The following ENTREP2 variants were observed in gnomAD, a reference collection of about 807,000 sequenced individuals.
The protein encoded by ENTREP2 is protein ENTREP2.
chr15:29,490,744 C>A, the ENTREP2 span, among the ~76,000 whole-genome samples: 5 of 152,208 alleles, frequency 3.3e-5, no homozygotes, highest in Non-Finnish European at 7.3e-5. Flanking sequence ...GGTGCATATA[C>A]AATCCTCCAG....
chr15:29,288,328 G>A, the ENTREP2 span, among the ~76,000 whole-genome samples: 7 of 152,154 alleles, frequency 4.6e-5, no homozygotes, highest in Non-Finnish European at 7.3e-5. Flanking sequence ...TCTGGGCCAC[G>A]TATGTCACAG....
chr15:29,370,545 A>G, the ENTREP2 span, among the ~76,000 whole-genome samples: 1 of 152,114 alleles, frequency 6.6e-6, no homozygotes, highest in East Asian at 1.9e-4. Context: ...TCATTTGCCT[A>G]AATTATTGAC....
chr15:29,391,910 C>T, the ENTREP2 span, among the ~76,000 whole-genome samples: 15 of 152,174 alleles, frequency 9.9e-5, no homozygotes, highest in African/African-American at 1.4e-4. Flanking sequence ...CCGCAAGCTC[C>T]GCCTCCCGGG....
the ENTREP2 span, among the ~76,000 whole-genome samples, chr15:29,595,861 A>T: frequency 6.6e-6 from 1 of 152,016 alleles, no homozygotes; most frequent in Admixed American, 6.6e-5. Flanking sequence ...GGGCTCTTTC[A>T]GTTGGCCTAT....
the ENTREP2 span, among the ~76,000 whole-genome samples, chr15:29,516,161 G>A: frequency 6.6e-6 from 1 of 152,012 alleles, no homozygotes; most frequent in African/African-American, 2.4e-5. Context: ...TAGGGGATGG[G>A]ACCCAGGCAT....
chr15:29,595,016 C>G, the ENTREP2 span, among the ~76,000 whole-genome samples: 2 of 133,614 alleles, frequency 1.5e-5, no homozygotes. Context: ...TGGAGTGAGC[C>G]GAGATCACGC....
the ENTREP2 span, among the ~76,000 whole-genome samples, chr15:29,291,292 C>T: frequency 5.3e-5 from 8 of 152,330 alleles, 1 homozygote; most frequent in African/African-American, 1.4e-4. Flanking sequence ...TCCTGACGAT[C>T]TTCTGTCAGG....
the ENTREP2 span, chr15:29,126,290 G>A: frequency 1.3e-6 from 2 of 1,485,322 alleles, no homozygotes; most frequent in Non-Finnish European, 1.8e-6. Context: ...TGTGCACAAG[G>A]TGGGGTCGCT....
At chr15:29,258,375 C>A in the ENTREP2 span, among the ~76,000 whole-genome samples, 1 of 152,028 alleles carries the variant, frequency 6.6e-6, no homozygotes, top group South Asian at 2.1e-4. Flanking sequence ...GAAAACATCA[C>A]GAAAGCAAAC....
At chr15:29,212,797 A>C in the ENTREP2 span, among the ~76,000 whole-genome samples, 3 of 152,350 alleles carry the variant, frequency 2.0e-5, no homozygotes, top group Admixed American at 6.5e-5. Context: ...TAGTTTAATT[A>C]GATCCCATTT....
At chr15:29,490,358 G>A in the ENTREP2 span, among the ~76,000 whole-genome samples, 7 of 152,288 alleles carry the variant, frequency 4.6e-5, 1 homozygote, top group South Asian at 8.3e-4. Context: ...AAGATTTACC[G>A]CAAAGAGCGA....
the ENTREP2 span, among the ~76,000 whole-genome samples, chr15:29,346,230 G>A: frequency 5.9e-5 from 9 of 152,272 alleles, no homozygotes; most frequent in East Asian, 9.7e-4. Flanking sequence ...GACAAACGCC[G>A]AGGCAGAAGC....
the ENTREP2 span, among the ~76,000 whole-genome samples, chr15:29,494,365 A>G: frequency 1.3e-5 from 2 of 152,192 alleles, no homozygotes; most frequent in South Asian, 2.1e-4. Context: ...AATGTATTCA[A>G]CTCTTCCAGC....
chr15:29,460,877 C>T, the ENTREP2 span, among the ~76,000 whole-genome samples: 7 of 152,170 alleles, frequency 4.6e-5, no homozygotes, highest in African/African-American at 1.7e-4. Context: ...GTGAATAAAA[C>T]CTAGAAGTCA....
the ENTREP2 span, among the ~76,000 whole-genome samples, chr15:29,144,866 C>T: frequency 6.6e-6 from 1 of 151,812 alleles, no homozygotes; most frequent in African/African-American, 2.4e-5. Flanking sequence ...ATGGTGAAAC[C>T]CCATCTCTAC....
chr15:29,219,778 A>G, the ENTREP2 span, among the ~76,000 whole-genome samples: 2 of 151,224 alleles, frequency 1.3e-5, no homozygotes, highest in African/African-American at 2.4e-5. Flanking sequence ...AAAACCAAAC[A>G]TCGTATGTTC....
chr15:29,478,104 A>C, the ENTREP2 span, among the ~76,000 whole-genome samples: 1 of 139,126 alleles, frequency 7.2e-6, no homozygotes, highest in East Asian at 2.2e-4. Context: ...AGCTCACTGC[A>C]AGCTCCGCCT....
the ENTREP2 span, among the ~76,000 whole-genome samples, chr15:29,565,637 T>C: frequency 3.3e-5 from 5 of 152,236 alleles, no homozygotes; most frequent in African/African-American, 1.2e-4. Context: ...GGTGGTATAA[T>C]GTCATTTTTG....
the ENTREP2 span, among the ~76,000 whole-genome samples, chr15:29,175,293 G>A: frequency 6.6e-6 from 1 of 152,178 alleles, no homozygotes; most frequent in East Asian, 1.9e-4. Context: ...GTTCTTGTAA[G>A]GGTAAGATTA....
Sources: gnomAD v4.1 joint callset for allele counts (sites outside exome capture counted in the v4.1 genomes callset) on GRCh38, gnomAD v4.1.1 for gene constraint, MANE v1.5 for transcripts, NCBI Gene and HGNC (gene_info 2026-07-23, HGNC 2026-07-21) for gene names.